Variants in FAAP20 observed in about 807,000 individuals in gnomAD.
The protein encoded by FAAP20 is Fanconi anemia core complex-associated protein 20.
Under a neutral mutation model 16.2 loss-of-function variants are expected in FAAP20, and 12 were observed. The observed-to-expected ratio is 0.74, with a 90% CI of 0.48 to 1.20. The LOEUF is 1.20. FAAP20 is among the 50% of genes most tolerant of loss of function. The pLI, the probability that FAAP20 is intolerant of heterozygous loss-of-function variation, is 0.00. For synonymous variants in FAAP20, 141 were observed against 110.7 expected (o/e 1.27, Z -1.72); for missense variants, 288 against 245.8 (o/e 1.17, Z -1.15).
At chr1:2,196,187 T>C (rs1285738703), upstream of FAAP20, among the ~76,000 whole-genome samples, 1 of 152,168 alleles carries the variant, frequency 6.6e-6, no homozygotes, top group African/African-American at 2.4e-5. The surrounding 1 kb of genome is among the most constrained non-coding windows in gnomAD (Gnocchi z 4.5). Context: ...GCTCCGAGCT[T>C]CTGGGTCTTT....
chr1:2,200,627 A>G (rs536957494), upstream of FAAP20: 10 of 985,636 alleles, frequency 1.0e-5, no homozygotes, highest in South Asian at 4.7e-4. Context: ...TTAGGCTCCC[A>G]GTGTGTGGTC....
At chr1:2,211,418 TATATATATATATA>T (rs1689436452), downstream of FAAP20, among the ~76,000 whole-genome samples, 1 of 26,544 alleles carries the variant, frequency 3.8e-5, no homozygotes. Flanking sequence ...TATATATATA[TATATATATATATA>T]TATATTTTTT....
At chr1:2,192,384 G>A in intron 3 of FAAP20, 1 of 994,830 alleles carries the variant, frequency 1.0e-6, no homozygotes, top group Non-Finnish European at 1.2e-6. Flanking sequence ...CGCCTACTTA[G>A]GAAAAATTGA....
Position 2,189,623 on chromosome 1 carries a change from G to A in FAAP20, c.*86C>T. The A allele has an allele frequency of 2.9e-6, 3 of 1,020,382 alleles. No individual in the cohort carries two copies. Among genetic ancestry groups the A allele is most frequent in the Non-Finnish European group, 4.3e-6 (3 of 700,388 alleles). The allele number at this position is 1,020,382 out of a possible 1,614,324, so 63.2% of individuals were successfully genotyped here. A position where few individuals can be genotyped will look rare whatever the true frequency, so the allele number is the denominator to read the frequency against. Reference sequence around the variant, plus strand: ...TGCGGGGGAGCCGAGAGGCGGGGCTGCTGGCGGGGGAGCCGAGAGGCGGGG... The same window carrying A: ...TGCGGGGGAGCCGAGAGGCGGGGCTACTGGCGGGGGAGCCGAGAGGCGGGG... On this transcript the variant is annotated 3_prime_UTR_variant, in exon 4 of 4. Coordinates refer to ENST00000378546, the MANE Select transcript of FAAP20 (RefSeq NM_182533.4).
upstream of FAAP20, chr1:2,197,866 C>A: frequency 1.1e-6 from 1 of 913,020 alleles, no homozygotes; most frequent in Non-Finnish European, 1.5e-6. Flanking sequence ...GCGGGTGCCT[C>A]CACTTGTCAG....
intron 3 of FAAP20, 43 bp from the exon 4 acceptor site, chr1:2,189,824 T>C: frequency 2.0e-6 from 3 of 1,473,258 alleles, no homozygotes; most frequent in Non-Finnish European, 1.9e-6. Context: ...CTCCGCGGCA[T>C]GCTGGCCGCA....
chr1:2,211,377 C>T (rs1689431924), downstream of FAAP20, among the ~76,000 whole-genome samples: 1 of 117,520 alleles, frequency 8.5e-6, no homozygotes, highest in Non-Finnish European at 1.7e-5. Flanking sequence ...TTACAGGTAC[C>T]TGCCACCACG....
intron 3 of FAAP20, chr1:2,192,640 G>T: frequency 8.4e-7 from 1 of 1,185,746 alleles, no homozygotes; most frequent in East Asian, 5.8e-5. Context: ...GTGATTCAGG[G>T]TCTTACTCTG....
At chr1:2,192,914 T>C (rs1416864454) in intron 3 of FAAP20, 2 of 1,304,008 alleles carry the variant, frequency 1.5e-6, no homozygotes, top group Non-Finnish European at 2.0e-6. Flanking sequence ...CTTTTGTTGT[T>C]GTTGTTGTTG....
downstream of FAAP20, chr1:2,184,600 G>A (rs1331260807): frequency 5.0e-6 from 8 of 1,613,620 alleles, no homozygotes; most frequent in South Asian, 4.4e-5. Context: ...AGAAGCAGGC[G>A]CTCCCTCCAT....
chr1:2,195,087 C>G (rs899330109), upstream of FAAP20, among the ~76,000 whole-genome samples: 1 of 152,090 alleles, frequency 6.6e-6, no homozygotes, highest in Admixed American at 6.5e-5. Context: ...CGGCTGCACC[C>G]AACAGCTCCC....
chr1:2,193,290 A>G (rs1016974986), intron 3 of FAAP20: 8 of 472,776 alleles, frequency 1.7e-5, no homozygotes, highest in Non-Finnish European at 7.6e-6. Flanking sequence ...TTTAAAACCC[A>G]TGACGCACTC....
chr1:2,189,468 C>A, downstream of FAAP20: 1 of 566,120 alleles, frequency 1.8e-6, no homozygotes, highest in Non-Finnish European at 3.2e-6. Flanking sequence ...TCAGCTTCCC[C>A]GCCTGGGGCT....
chr1:2,200,592 T>C (rs1021624318), upstream of FAAP20: 12 of 976,492 alleles, frequency 1.2e-5, no homozygotes, highest in African/African-American at 5.3e-5. Context: ...CTGCCTGAAC[T>C]GTGAGAATAT....
chr1:2,195,416 G>A (rs1688771777), upstream of FAAP20, among the ~76,000 whole-genome samples: 1 of 152,226 alleles, frequency 6.6e-6, no homozygotes, highest in Non-Finnish European at 1.5e-5. Context: ...AGTGCCCCAT[G>A]GGCCCAGGCC....
chr1:2,210,409 G>A (rs1206451828), downstream of FAAP20, among the ~76,000 whole-genome samples: 5 of 152,226 alleles, frequency 3.3e-5, no homozygotes, highest in South Asian at 2.1e-4. Flanking sequence ...CCCCCACGGC[G>A]CCCACAGCCC....
At chr1:2,198,998 G>A (rs1688936400), upstream of FAAP20, 6 of 1,275,928 alleles carry the variant, frequency 4.7e-6, no homozygotes, top group Non-Finnish European at 6.1e-6. Context: ...TGGGGTGCAA[G>A]AGTAGGGGTG....
downstream of FAAP20, chr1:2,186,219 G>T: frequency 6.1e-6 from 2 of 328,252 alleles, no homozygotes; most frequent in Non-Finnish European, 6.4e-6. Context: ...CATGACTCAG[G>T]GGCCGCTCCA....
At chr1:2,202,074 G>A (rs1184955537), upstream of FAAP20, among the ~76,000 whole-genome samples, 3 of 151,952 alleles carry the variant, frequency 2.0e-5, no homozygotes, top group African/African-American at 4.8e-5. Context: ...GAAAGTTATG[G>A]CCCAAAAATG....
Sources: gnomAD v4.1 joint callset for allele counts (sites outside exome capture counted in the v4.1 genomes callset) on GRCh38, gnomAD v4.1.1 for gene constraint, Gnocchi (gnomAD v3.1) non-coding constraint, MANE v1.5 for transcripts, NCBI Gene and HGNC (gene_info 2026-07-23, HGNC 2026-07-21) for gene names.